Variants in TUBGCP6 observed in about 807,000 individuals in gnomAD.
TUBGCP6 encodes the protein gamma-tubulin complex component 6.
In TUBGCP6, 161 loss-of-function variants were observed where a neutral mutation model predicts 175.8. The observed-to-expected ratio is 0.92, with a 90% CI of 0.81 to 1.04. The LOEUF is 1.04. Ranked by LOEUF, TUBGCP6 falls within the 50% of genes least tolerant of loss-of-function variation. TUBGCP6 has a pLI of 0.00. For synonymous variants in TUBGCP6, 1,173 were observed against 1,030.5 expected, an observed-to-expected ratio of 1.14 and a Z score of -2.65; for missense variants, 2,572 against 2,433.0, an observed-to-expected ratio of 1.06 and a Z score of -1.20.
At position 50,243,780 on chromosome 22, in the gene TUBGCP6, T is replaced by C. The variant is rs1338333836; in HGVS notation, c.680A>G (p.Asp227Gly). ...CACGGGGGGCAGGCCCAGTCGGACG[T>C]CCATGTCATAAGTGCGGCTGTGCAC... Reference protein sequence around the residue: ...ALVHSRTYDMDVRLGLPPVPD... With the variant: ...ALVHSRTYDMGVRLGLPPVPD... The change falls in exon 1 of 25, where the codon GAC (aspartate) becomes GGC (glycine). Residue 227 changes from aspartate (D) to glycine (G), a missense_variant. Physicochemically the swap from Asp to Gly is moderately conservative, Grantham distance 94. Coordinates refer to ENST00000248846, the MANE Select transcript of TUBGCP6 (RefSeq NM_020461.4). 2 of 1,613,264 alleles carry C rather than the reference T, an allele frequency of 1.2e-6. No individual in the cohort carries two copies. Among genetic ancestry groups the C allele is most frequent in the Non-Finnish European group, 1.7e-6 (2 of 1,179,966 alleles).
At position 50,218,015 on chromosome 22, in the gene TUBGCP6, C is replaced by A; in HGVS notation, c.5271G>T (p.Gly1757=). The A allele has an allele frequency of 6.2e-7, 1 of 1,612,468 alleles. No homozygotes were observed. The highest frequency in any genetic ancestry group is 2.2e-5 in the East Asian group (1 of 44,856). ...CTGCACCCCGCGGGCCCCCAGGGGG[C>A]CCCCAGGCCTGGGAGATGAGCTGGC... ...FRSQLISQAW[G]PPGGPRGAEH... Residue 1757 remains glycine, a synonymous_variant, in exon 24 of 25, where the codon GGG becomes GGT. Transcript: ENST00000248846.
At chr22:50,231,040 C>T (rs59278666) in intron 3 of TUBGCP6, among the ~76,000 whole-genome samples, 5,547 of 144,220 alleles carry the variant, frequency 0.038, 389 homozygotes, top group African/African-American at 0.14. Context: ...TGAGATCACG[C>T]CATTGCACTC....
At chr22:50,233,718 C>G (rs1425907605) in intron 2 of TUBGCP6, among the ~76,000 whole-genome samples, 192 bp from the exon 3 acceptor site, 1 of 152,086 alleles carries the variant, frequency 6.6e-6, no homozygotes, top group African/African-American at 2.4e-5. Context: ...GCTGTGAATA[C>G]CAGCACGATC....
chr22:50,224,809 CA>C (rs1356490704), intron 10 of TUBGCP6, among the ~76,000 whole-genome samples: 109 of 152,140 alleles, frequency 7.2e-4, no homozygotes, highest in Non-Finnish European at 1.5e-4. Context: ...TGGCGGGGGT[CA>C]GGGGAGCTTA....
chr22:50,224,760 A>G (rs1440562386), intron 10 of TUBGCP6, among the ~76,000 whole-genome samples, 168 bp from the exon 11 acceptor site: 1 of 152,164 alleles, frequency 6.6e-6, no homozygotes, highest in Non-Finnish European at 1.5e-5. Flanking sequence ...TACAAAAATT[A>G]GCCAGGTGTA....
intron 19 of TUBGCP6, 39 bp from the exon 20 acceptor site, chr22:50,219,248 G>A (rs754690240): frequency 1.9e-6 from 3 of 1,610,558 alleles, no homozygotes; most frequent in East Asian, 4.5e-5. Flanking sequence ...GGCCAGGACG[G>A]GCTGGGTGGG....
At position 50,227,043 on chromosome 22, in the gene TUBGCP6, G is replaced by A. The variant is rs1375310248; in HGVS notation, c.1447C>T (p.Leu483Phe). The A allele has an allele frequency of 6.2e-7, 1 of 1,612,470 alleles. No individual in the cohort carries two copies. Among genetic ancestry groups the A allele is most frequent in the Non-Finnish European group, 8.5e-7 (1 of 1,179,656 alleles). ...GGGCCTCCTCCACAGGTGCCCGGGA[G>A]CACAGCGCCAACGCCACAGAGCTCG... is the stretch of plus-strand genomic sequence containing the variant. ...LAELCGVGAV[L>F]PGTCGGGPRA... The change falls in exon 6 of 25, where the codon CTC becomes TTC. Residue 483 changes from leucine (L) to phenylalanine (F), a missense_variant. Physicochemically the swap from Leu to Phe is conservative, Grantham distance 22. Coordinates refer to ENST00000248846, the MANE Select transcript of TUBGCP6 (RefSeq NM_020461.4).
chr22:50,229,553 G>A lies in TUBGCP6; in HGVS notation c.1141C>T (p.Arg381Trp), dbSNP rs74767375. ...CQPAQAFVVK[R>W]GVHVSGASPE... ...GACGCTCCTGACACGTGGACGCCCC[G>A]CTTCACCACAAAGGCCTGGGCCGGC... is the stretch of plus-strand genomic sequence containing the variant. Residue 381 changes from arginine (R) to tryptophan (W), a missense_variant, in exon 4 of 25, where the codon CGG becomes TGG. Arg to Trp is a moderately radical substitution (Grantham distance 101). Coordinates refer to ENST00000248846, the MANE Select transcript of TUBGCP6 (RefSeq NM_020461.4). The A allele has an allele frequency of 1.1e-4, 168 of 1,598,092 alleles. No homozygotes were observed. Among genetic ancestry groups the A allele is most frequent in the Non-Finnish European group, 1.3e-4 (148 of 1,173,040 alleles).
chr22:50,229,455 G>A lies in TUBGCP6; in HGVS notation c.1239C>T (p.Phe413=). ...YGTCYTRLSH[F]SLQPVLDSLY... ...AAGAGTCCAGGACGGGCTGCAGAGA[G>A]AAATGACTCAGGCGCGTGTAGCAGG... The change falls in exon 4 of 25, where the codon TTC becomes TTT. Residue 413 remains phenylalanine, a synonymous_variant. Transcript: ENST00000248846. 6.2e-7 allele frequency: 1 copy of A among 1,613,542 alleles called. No homozygotes were observed. The highest frequency in any genetic ancestry group is 8.5e-7 in the Non-Finnish European group (1 of 1,179,890).
At chr22:50,218,154 T>C in intron 23 of TUBGCP6, 35 bp downstream of exon 23, 1 of 1,610,212 alleles carries the variant, frequency 6.2e-7, no homozygotes, top group Non-Finnish European at 8.5e-7. Flanking sequence ...GGCTGAGCCG[T>C]GACCACAGGG....
At chr22:50,233,554 G>A (rs755556207) in intron 2 of TUBGCP6, 28 bp from the exon 3 acceptor site, 2 of 1,572,144 alleles carry the variant, frequency 1.3e-6, no homozygotes, top group Non-Finnish European at 1.7e-6. Context: ...GAGAGGCCAT[G>A]AGCAGACGTG....
rs1368542290 is a variant in TUBGCP6, at chr22:50,224,395, G to C, written c.2091C>G (p.Ala697=). The change falls in exon 12 of 25, where the codon GCC becomes GCG. Residue 697 remains alanine (A), a synonymous_variant. Transcript: ENST00000248846. ...LSDRQMSERM[A]LDARKREQFQ... The stretch of plus-strand genomic sequence containing the variant: ...ACTGCTCACGCTTCCGGGCATCCAA[G>C]GCCATCCGTTCTGACATCTGCCGGT... 7.4e-6 allele frequency: 12 copies of C among 1,614,050 alleles called. 1 individual carries two copies. The Admixed American group carries it at 1.7e-4, about 22-fold the overall frequency.
intron 3 of TUBGCP6, among the ~76,000 whole-genome samples, chr22:50,231,520 A>G: frequency 6.6e-6 from 1 of 152,126 alleles, no homozygotes; most frequent in Non-Finnish European, 1.5e-5. Context: ...TGGCTCTTTG[A>G]AAAGATCAAC....
chr22:50,222,017 C>T lies in TUBGCP6; in HGVS notation c.2484+11G>A. 1 of 1,613,780 alleles carries T rather than the reference C, an allele frequency of 6.2e-7. No individual in the cohort carries two copies. The highest frequency in any genetic ancestry group is 8.5e-7 in the Non-Finnish European group (1 of 1,179,936). On this transcript the variant is annotated intron_variant, in intron 15 of 24. Transcript: ENST00000248846. ...ACCATAGGGCACCCTGGGTTCCACT[C>T]TGCCGCTTACCTGGGGGTGCACGCT...
chr22:50,230,238 G>A (rs2064670637), intron 3 of TUBGCP6, among the ~76,000 whole-genome samples: 1 of 152,198 alleles, frequency 6.6e-6, no homozygotes, highest in East Asian at 1.9e-4. Flanking sequence ...GGGAGGCTGA[G>A]GCAGGAGGAT....
chr22:50,223,941 G>C, intron 13 of TUBGCP6, 200 bp downstream of exon 13: 1 of 591,444 alleles, frequency 1.7e-6, no homozygotes, highest in South Asian at 2.0e-5. Flanking sequence ...ACCACCACAA[G>C]ACAACGCGCA....
chr22:50,240,141 A>C, intron 2 of TUBGCP6, 63 bp downstream of exon 2: 1 of 1,603,346 alleles, frequency 6.2e-7, no homozygotes, highest in Non-Finnish European at 8.5e-7. Flanking sequence ...CACACACCCC[A>C]TCCAAGGCCA....
rs200474105 is a variant in TUBGCP6 at position 50,220,418 on chromosome 22, A to G, written c.3941T>C (p.Val1314Ala). The change falls in exon 16 of 25, where the codon GTG (valine) becomes GCG (alanine). Residue 1314 changes from valine (V) to alanine (A), a missense_variant. By Grantham distance (64) the Val-to-Ala change is moderately conservative. Transcript: ENST00000248846. ...AGGCAGCCGTGGCCCACAGTCCAGC[A>G]CAGTGCTCTGTGCTCCCAGGCTGAG... ...SALSLGAQST[V>A]LDCGPRLPVE... is the part of the protein sequence containing the mutation. The G allele has an allele frequency of 3.7e-6, 6 of 1,607,046 alleles. No individual in the cohort carries two copies. The African/African-American group carries it at 6.7e-5, about 18-fold the overall frequency.
At position 50,244,415 on chromosome 22, in the gene TUBGCP6, G is replaced by C. The variant is rs1004607545; in HGVS notation, c.45C>G (p.Leu15=). ...TQLFDDLCEA[L]LPAAKTHLGQ... The stretch of plus-strand genomic sequence containing the variant: ...CCAGGTGAGTCTTGGCAGCCGGCAG[G>C]AGGGCCTCACACAGGTCGTCGAACA... The change falls in exon 1 of 25, where the codon CTC becomes CTG. Residue 15 remains leucine, a synonymous_variant. Transcript: ENST00000248846. 1.9e-6 allele frequency: 3 copies of C among 1,612,910 alleles called. No homozygotes were observed. The African/African-American group carries it at 4.0e-5, about 22-fold the overall frequency.
Sources: allele counts gnomAD v4.1 joint callset (sites outside exome capture counted in the v4.1 genomes callset), GRCh38; gene constraint gnomAD v4.1.1; transcripts MANE v1.5; gene names NCBI Gene and HGNC (gene_info 2026-07-23, HGNC 2026-07-21).